The following ADGRL3 variants were observed in gnomAD, a reference collection of about 807,000 sequenced individuals.
ADGRL3 encodes the protein calcium-independent alpha-latrotoxin receptor 3.
ADGRL3 carries 62 observed loss-of-function variants against 153.5 expected under a neutral mutation model. That is an observed-to-expected ratio of 0.40 (90% CI 0.33 to 0.50). ADGRL3 has a LOEUF of 0.50. Ranked by LOEUF, ADGRL3 falls within the 20% of genes least tolerant of loss-of-function variation. ADGRL3 has a pLI of 0.47. For missense variants in ADGRL3, 1,641 were observed against 1,859.4 expected, an observed-to-expected ratio of 0.88 and a Z score of 2.16; for synonymous variants, 710 against 672.5, an observed-to-expected ratio of 1.06 and a Z score of -0.86.
At chr4:61,471,767 T>G (rs1288572559) in intron 2 of ADGRL3, among the ~76,000 whole-genome samples, 3 of 152,062 alleles carry the variant, frequency 2.0e-5, no homozygotes, top group South Asian at 4.1e-4. Flanking sequence ...AGGGATTTCT[T>G]GTAATCACAG....
intron 4 of ADGRL3, among the ~76,000 whole-genome samples, chr4:61,559,704 G>A (rs986012518): frequency 6.6e-6 from 1 of 152,006 alleles, no homozygotes; most frequent in Non-Finnish European, 1.5e-5. Context: ...AACAAGAAAA[G>A]CATGAGCGAA....
chr4:61,530,655 A>C (rs1159015267), intron 4 of ADGRL3, among the ~76,000 whole-genome samples: 1 of 152,180 alleles, frequency 6.6e-6, no homozygotes, highest in Non-Finnish European at 1.5e-5. Flanking sequence ...ATTCTACTAC[A>C]AATATGATAC....
At chr4:61,395,053 A>G (rs909671582) in intron 2 of ADGRL3, among the ~76,000 whole-genome samples, 1 of 152,186 alleles carries the variant, frequency 6.6e-6, no homozygotes, top group East Asian at 1.9e-4. Flanking sequence ...TATTAATTCC[A>G]CAAATAAAAA....
chr4:62,042,331 T>C (rs1728807316), intron 24 of ADGRL3, among the ~76,000 whole-genome samples: 1 of 151,746 alleles, frequency 6.6e-6, no homozygotes. Context: ...GTTGGGGGAA[T>C]GTAGTAGGGG....
At chr4:61,302,732 A>G (rs912027249) in intron 1 of ADGRL3, among the ~76,000 whole-genome samples, 7 of 152,134 alleles carry the variant, frequency 4.6e-5, no homozygotes, top group African/African-American at 7.2e-5. Flanking sequence ...TGTAATTTTT[A>G]AAAACCAAGT....
chr4:61,558,711 A>T (rs1049365238), intron 4 of ADGRL3, among the ~76,000 whole-genome samples: 2 of 152,032 alleles, frequency 1.3e-5, no homozygotes, highest in Admixed American at 1.3e-4. Flanking sequence ...CTGGCTATCT[A>T]GATTTACTGC....
intron 21 of ADGRL3, among the ~76,000 whole-genome samples, chr4:62,002,392 G>T (rs2099143595): frequency 6.7e-6 from 1 of 149,514 alleles, no homozygotes; most frequent in African/African-American, 2.5e-5. Context: ...CGCTATGACT[G>T]GCTGACTCCT....
chr4:61,583,729 G>T (rs1452398599), intron 4 of ADGRL3: 2 of 518,144 alleles, frequency 3.9e-6, no homozygotes, highest in Non-Finnish European at 7.7e-6. Flanking sequence ...CCTAGCAGAA[G>T]GTTTCCAGAT....
chr4:61,441,510 CCT>C (rs1216351527), intron 2 of ADGRL3, among the ~76,000 whole-genome samples: 18 of 85,130 alleles, frequency 2.1e-4, no homozygotes, highest in Non-Finnish European at 4.2e-4. Flanking sequence ...GTAACCTCCC[CCT>C]CTCACTCTTT....
intron 6 of ADGRL3, among the ~76,000 whole-genome samples, chr4:61,685,658 A>G (rs2095429093): frequency 6.6e-6 from 1 of 152,132 alleles, no homozygotes; most frequent in Admixed American, 6.6e-5. Flanking sequence ...CAGTGTGGCC[A>G]AAGTCCAGTT....
chr4:61,958,893 C>T (rs1341079255), intron 17 of ADGRL3, among the ~76,000 whole-genome samples: 1 of 152,138 alleles, frequency 6.6e-6, no homozygotes, highest in East Asian at 1.9e-4. Context: ...TGTAACTTTT[C>T]TGAATTGCTA....
At chr4:61,742,405 A>G (rs796385021) in intron 8 of ADGRL3, among the ~76,000 whole-genome samples, 3 of 152,068 alleles carry the variant, frequency 2.0e-5, no homozygotes, top group African/African-American at 7.2e-5. Context: ...CAGCCTCCCG[A>G]GTAGCTGGGA....
chr4:61,579,209 C>T lies in ADGRL3; in HGVS notation c.260-8018C>T, dbSNP rs367905509. ...TATGTGTAATAATTCCCAGCATCCA[C>T]GTTGTAAGGGATCAATATGCATTTA... is the stretch of plus-strand genomic sequence containing the variant. On this transcript the variant is annotated intron_variant, in intron 4 of 26. Transcript: ENST00000683033. 1.3e-4 allele frequency among the ~76,000 whole-genome samples: 20 copies of T among 152,108 alleles called. No individual in the cohort carries two copies. The East Asian group carries it at 2.7e-3, about 21-fold the overall frequency.
intron 2 of ADGRL3, among the ~76,000 whole-genome samples, chr4:61,443,353 A>C (rs1375463669): frequency 1.4e-4 from 21 of 152,302 alleles, no homozygotes; most frequent in Admixed American, 1.0e-3. Context: ...AGTAATTTTT[A>C]TCTTTTAAAG....
chr4:61,344,342 A>C (rs552636558), intron 1 of ADGRL3, among the ~76,000 whole-genome samples: 1 of 152,308 alleles, frequency 6.6e-6, no homozygotes, highest in Non-Finnish European at 1.5e-5. Context: ...TTGCCTGAGT[A>C]AAGTACAAGT....
At chr4:62,055,683 A>G (rs979107612) in intron 25 of ADGRL3, among the ~76,000 whole-genome samples, 10 of 151,780 alleles carry the variant, frequency 6.6e-5, no homozygotes, top group Admixed American at 5.3e-4. Context: ...TTTTTTTAAT[A>G]AGTGACTTGG....
At chr4:61,735,329 T>C (rs915376547) in intron 8 of ADGRL3, among the ~76,000 whole-genome samples, 2 of 152,240 alleles carry the variant, frequency 1.3e-5, no homozygotes, top group African/African-American at 2.4e-5. Context: ...CAATCAGCAA[T>C]GCTGATATTA....
intron 2 of ADGRL3, among the ~76,000 whole-genome samples, chr4:61,395,855 T>G (rs1263544123): frequency 2.0e-5 from 3 of 152,052 alleles, no homozygotes; most frequent in Admixed American, 6.5e-5. Flanking sequence ...AATTTTGATA[T>G]GGAGGGGAAT....
rs1008184247 is a variant in ADGRL3, at chr4:61,891,009, T to C, written c.1481-1647T>C. Among the ~76,000 whole-genome samples the C allele has an allele frequency of 1.6e-4, 25 of 152,346 alleles. No homozygotes were observed. In the East Asian group the frequency reaches 4.8e-3, roughly 29 times the overall value. Reference sequence around the variant, plus strand: ...TATAGTTTTAAGCTTTCAATTGCACTTAATATTTTGAAATATGTTATTGAA... The same window carrying C: ...TATAGTTTTAAGCTTTCAATTGCACCTAATATTTTGAAATATGTTATTGAA... On this transcript the variant is annotated intron_variant, in intron 9 of 26. Coordinates refer to ENST00000683033, the MANE Select transcript of ADGRL3 (RefSeq NM_001387552.1).
Sources: allele counts gnomAD v4.1 joint callset (sites outside exome capture counted in the v4.1 genomes callset), GRCh38; gene constraint gnomAD v4.1.1; transcripts MANE v1.5; gene names NCBI Gene and HGNC (gene_info 2026-07-23, HGNC 2026-07-21).